ZNF568: variants seen among roughly 807,000 people sequenced by gnomAD.
ZNF568 encodes the protein p53 inhibitor of SCO2 activation.
A neutral mutation model predicts 18.1 loss-of-function variants in ZNF568; 11 were observed. The observed-to-expected ratio is 0.61, with a 90% confidence interval of 0.38 to 1.00. The LOEUF is 1.00. Ranked by LOEUF, ZNF568 falls within the 50% of genes least tolerant of loss-of-function variation. ZNF568 has a pLI of 0.01. For missense variants in ZNF568, 639 were observed against 768.2 expected, an observed-to-expected ratio of 0.83 and a Z score of 1.99; for synonymous variants, 213 against 246.6, an observed-to-expected ratio of 0.86 and a Z score of 1.28.
chr19:36,991,385 T>A, intron 3 of ZNF568: 2 of 1,418,584 alleles, frequency 1.4e-6, no homozygotes, highest in African/African-American at 1.4e-5. Context: ...TTTTTCTGAG[T>A]TTGTCCCAAG....
intron 4 of ZNF568, among the ~76,000 whole-genome samples, chr19:36,994,902 A>C (rs2074456430): frequency 6.6e-6 from 1 of 151,934 alleles, no homozygotes; most frequent in African/African-American, 2.4e-5. Context: ...TGCCGGCCTC[A>C]GCCTCCCAAA....
intron 6 of ZNF568, among the ~76,000 whole-genome samples, chr19:36,971,268 T>TC (rs923407477): frequency 2.0e-5 from 3 of 151,482 alleles, no homozygotes; most frequent in African/African-American, 7.3e-5. Flanking sequence ...CTTTATGTTT[T>TC]TTTTTTCGCA....
intron 4 of ZNF568, among the ~76,000 whole-genome samples, chr19:36,927,842 A>ATGTGTGTGTGTG (rs2073583396): frequency 1.7e-5 from 1 of 57,596 alleles, no homozygotes; most frequent in Non-Finnish European, 3.1e-5. Flanking sequence ...ATATAAAGAT[A>ATGTGTGTGTGTG]TATGTGTGTG....
At chr19:36,931,911 T>G (rs2073692919) in intron 4 of ZNF568, among the ~76,000 whole-genome samples, 1 of 152,230 alleles carries the variant, frequency 6.6e-6, no homozygotes, top group Non-Finnish European at 1.5e-5. Context: ...AAGGCTCTGA[T>G]GTAGGCAAGA....
At chr19:36,944,231 T>C (rs2073927480) in intron 6 of ZNF568, among the ~76,000 whole-genome samples, 1 of 151,896 alleles carries the variant, frequency 6.6e-6, no homozygotes, top group African/African-American at 2.4e-5. Flanking sequence ...AAACCCCGTC[T>C]CTACTAAAAA....
intron 7 of ZNF568, among the ~76,000 whole-genome samples, chr19:36,977,033 TTC>T (rs2146337787): frequency 1.3e-5 from 2 of 152,388 alleles, no homozygotes; most frequent in East Asian, 3.9e-4. Context: ...TCAGCATATT[TTC>T]TCTTTGTCAT....
chr19:36,924,496 C>A (rs1332075050), intron 3 of ZNF568, among the ~76,000 whole-genome samples: 1 of 168 alleles, frequency 6.0e-3, no homozygotes, highest in Non-Finnish European at 0.015. Flanking sequence ...GGATTACAGG[C>A]GTGACGACCG....
In ZNF568 at chr19:36,922,825, A is replaced by G. The variant is rs1241860131; in HGVS notation, c.55A>G (p.Ser19Gly). 1 of 1,614,070 alleles carries G rather than the reference A, an allele frequency of 6.2e-7. No homozygotes were observed. Among genetic ancestry groups the G allele is most frequent in the East Asian group, 2.2e-5 (1 of 44,874 alleles). Residue 19 changes from serine (S) to glycine (G), a missense_variant, in exon 3 of 7, where the codon AGC (serine) becomes GGC (glycine). By Grantham distance (56) the Ser-to-Gly change is moderately conservative. Transcript: ENST00000333987. ...SNSCVTMERL[S>G]HMMERKAWCS... is the part of the protein sequence containing the mutation. ...TAGCTGTGTGACAATGGAGCGTTTG[A>G]GCCACATGATGGAAAGGAAAGGTGA...
At chr19:36,956,376 A>G (rs1485286805), downstream of ZNF568, among the ~76,000 whole-genome samples, 1 of 152,032 alleles carries the variant, frequency 6.6e-6, no homozygotes, top group Non-Finnish European at 1.5e-5. Context: ...CTGAAGAGCA[A>G]TCCCAGCTCT....
At chr19:36,925,102 T>C in intron 3 of ZNF568, 98 bp from the exon 4 acceptor site, 1 of 979,430 alleles carries the variant, frequency 1.0e-6, no homozygotes, top group Non-Finnish European at 1.6e-6. Context: ...CAAGGATCAT[T>C]CATCTGTAGA....
At chr19:36,987,156 G>A (rs530891146) in intron 2 of ZNF568, among the ~76,000 whole-genome samples, 216 of 152,326 alleles carry the variant, frequency 1.4e-3, no homozygotes, top group Non-Finnish European at 2.4e-3. Context: ...GCAGTGTGCA[G>A]TGTGCAGTGT....
intron 6 of ZNF568, among the ~76,000 whole-genome samples, chr19:36,970,525 G>T (rs879541805): frequency 6.6e-6 from 1 of 151,448 alleles, no homozygotes; most frequent in Non-Finnish European, 1.5e-5. Context: ...TTGTAGAAAG[G>T]GGGTTTTGCC....
downstream of ZNF568, among the ~76,000 whole-genome samples, chr19:36,984,483 A>C (rs1447096108): frequency 6.6e-6 from 1 of 152,118 alleles, no homozygotes; most frequent in African/African-American, 2.4e-5. Context: ...AACTAATCAA[A>C]CAACTTACAT....
chr19:36,962,619 G>A (rs1600834149), intron 6 of ZNF568, among the ~76,000 whole-genome samples: 1 of 152,170 alleles, frequency 6.6e-6, no homozygotes, highest in East Asian at 1.9e-4. Context: ...GAGATAACAG[G>A]TGTGAGCCAC....
At chr19:36,985,096 C>T (rs1204259525) in intron 2 of ZNF568, among the ~76,000 whole-genome samples, 3 of 152,146 alleles carry the variant, frequency 2.0e-5, no homozygotes, top group African/African-American at 4.8e-5. Flanking sequence ...CTTAATCTCT[C>T]TTCTGTACAT....
chr19:36,991,908 G>C, intron 4 of ZNF568: 3 of 1,364,462 alleles, frequency 2.2e-6, no homozygotes, highest in Non-Finnish European at 3.0e-6. Context: ...TCATCTGTGA[G>C]AAGGCAGCAC....
intron 6 of ZNF568, among the ~76,000 whole-genome samples, chr19:36,944,739 T>C (rs1342934521): frequency 6.6e-6 from 1 of 152,196 alleles, no homozygotes; most frequent in Non-Finnish European, 1.5e-5. Flanking sequence ...CATTGCCCAG[T>C]GACCCTTAAG....
At chr19:36,959,055 A>G (rs1294600420) in intron 6 of ZNF568, among the ~76,000 whole-genome samples, 4 of 152,124 alleles carry the variant, frequency 2.6e-5, no homozygotes, top group Admixed American at 2.6e-4. Context: ...GATTTCCATT[A>G]CTATGTTGAA....
At chr19:36,955,607 T>C (rs993126066), downstream of ZNF568, among the ~76,000 whole-genome samples, 1 of 152,194 alleles carries the variant, frequency 6.6e-6, no homozygotes, top group African/African-American at 2.4e-5. Context: ...TAAATCATGG[T>C]GAATTCTTCT....
Sources: allele counts gnomAD v4.1 joint callset (sites outside exome capture counted in the v4.1 genomes callset), GRCh38; gene constraint gnomAD v4.1.1; transcripts MANE v1.5; gene names NCBI Gene and HGNC (gene_info 2026-07-23, HGNC 2026-07-21).